Variants in KATNIP observed in about 807,000 individuals in gnomAD.
KATNIP encodes katanin-interacting protein.
A neutral mutation model predicts 174.0 loss-of-function variants in KATNIP; 126 were observed. That is an observed-to-expected ratio of 0.72 (90% CI 0.63 to 0.84). The LOEUF is 0.84. Ranked by LOEUF, KATNIP falls within the 40% of genes least tolerant of loss-of-function variation. The probability of loss-of-function intolerance (pLI) is 0.00; values close to 1 mark genes in which losing one functional copy is unlikely to be tolerated. For missense variants in KATNIP, 1,958 were observed against 2,109.7 expected (o/e 0.93, Z 1.41); for synonymous variants, 810 against 835.7 (o/e 0.97, Z 0.53).
In KATNIP at chr16:27,677,908, A is replaced by T. The variant is rs1289568724; in HGVS notation, c.720A>T (p.Lys240Asn). The change falls in exon 7 of 28, where the codon AAA becomes AAT. Residue 240 changes from lysine to asparagine, a missense_variant. Physicochemically the swap from Lys to Asn is moderately conservative, Grantham distance 94 (BLOSUM62 0). This residue lies in a region of KATNIP where 1,557 missense variants were observed against 1,617.8 expected (regional missense o/e 0.96). Coordinates refer to ENST00000261588, the MANE Select transcript of KATNIP (RefSeq NM_015202.5). ...RPPSSGDWTQ[K>N]DVHGEQETEG... The stretch of plus-strand genomic sequence containing the variant: ...CTTCCAGTGGCGACTGGACTCAGAA[A>T]GATGTTCACGGGGAACAGGAGACAG... 1 of 1,614,256 alleles carries T rather than the reference A, an allele frequency of 6.2e-7. No homozygotes were observed. Among genetic ancestry groups the T allele is most frequent in the South Asian group, 1.1e-5 (1 of 91,092 alleles).
In KATNIP at chr16:27,770,013, C is replaced by G. The variant is rs2082246100; in HGVS notation, c.4128C>G (p.Ala1376=). 6.2e-7 allele frequency: 1 copy of G among 1,613,264 alleles called. No homozygotes were observed. The highest frequency in any genetic ancestry group is 2.2e-5 in the East Asian group (1 of 44,850). Residue 1376 remains alanine, a synonymous_variant, in exon 21 of 28, where the codon GCC becomes GCG. Coordinates refer to ENST00000261588, the MANE Select transcript of KATNIP (RefSeq NM_015202.5). Reference sequence around the variant, plus strand: ...GGGCTCAGCTGCTGCCCCAGCCGGCCAGGAGGTGAGGAGAAAGTGGGCGCC... The same window carrying G: ...GGGCTCAGCTGCTGCCCCAGCCGGCGAGGAGGTGAGGAGAAAGTGGGCGCC... ...YLRAQLLPQP[A]RRLDMRSLEC... is the part of the protein sequence containing the mutation.
chr16:27,740,033 G>A lies in KATNIP; in HGVS notation c.1744-8G>A, dbSNP rs778230814. On this transcript the variant is annotated splice_polypyrimidine_tract_variant and splice_region_variant and intron_variant, in intron 14 of 27. Transcript: ENST00000261588. ...GCATCTTCACTTTGTTAAATCTTAT[G>A]GTTTCAGGATCTTGACATTGGTGCC... 4 of 1,603,892 alleles carry A rather than the reference G, an allele frequency of 2.5e-6. No homozygotes were observed. The African/African-American group carries it at 5.4e-5, about 22-fold the overall frequency.
chr16:27,714,309 C>G (rs2079826314), intron 13 of KATNIP, among the ~76,000 whole-genome samples: 1 of 152,112 alleles, frequency 6.6e-6, no homozygotes, highest in Non-Finnish European at 1.5e-5. Context: ...TCTGAAAATT[C>G]TTATCTGTCC....
At chr16:27,709,742 C>G (rs531618539) in intron 13 of KATNIP, among the ~76,000 whole-genome samples, 2 of 152,150 alleles carry the variant, frequency 1.3e-5, no homozygotes, top group African/African-American at 2.4e-5. Context: ...CACTCTCTCC[C>G]TAAGCTGTTT....
intron 13 of KATNIP, among the ~76,000 whole-genome samples, chr16:27,717,532 C>A (rs930349259): frequency 6.6e-6 from 1 of 152,036 alleles, no homozygotes; most frequent in African/African-American, 2.4e-5. Context: ...TGTTTGCCTT[C>A]CCTCATAGCA....
At chr16:27,642,535 C>T (rs915465254) in intron 5 of KATNIP, among the ~76,000 whole-genome samples, 3 of 152,114 alleles carry the variant, frequency 2.0e-5, no homozygotes, top group African/African-American at 7.2e-5. Context: ...CAGGAATCTC[C>T]GGGCCTGGAA....
intron 20 of KATNIP, among the ~76,000 whole-genome samples, chr16:27,769,162 T>C (rs1310611607): frequency 6.6e-6 from 1 of 152,200 alleles, no homozygotes; most frequent in East Asian, 1.9e-4. Flanking sequence ...AAGCATCTGC[T>C]GTGTTCCAGG....
intron 18 of KATNIP, among the ~76,000 whole-genome samples, chr16:27,759,620 C>T (rs1287325190): frequency 1.3e-5 from 2 of 152,226 alleles, no homozygotes; most frequent in Non-Finnish European, 1.5e-5. Flanking sequence ...AGGACATCTT[C>T]ACCCACCCGT....
In KATNIP at chr16:27,618,439, C is replaced by A; in HGVS notation, c.78C>A (p.Asp26Glu). Residue 26 changes from aspartate to glutamate, a missense_variant, in exon 3 of 28, where the codon GAC becomes GAA. Around this residue, in one of 3 missense-constraint regions of KATNIP, gnomAD observed 1,557 missense variants for 1,617.8 expected, o/e 0.96. Transcript: ENST00000261588. ...SREKKEGYAKDMVTDFDEKHD... is the reference protein window; with the variant it reads ...SREKKEGYAKEMVTDFDEKHD... ...CTTCATTTCAGGGTTACGCTAAGGA[C>A]ATGGTGACAGACTTTGATGAGAAAC... 1 of 1,612,942 alleles carries A rather than the reference C, an allele frequency of 6.2e-7. No homozygotes were observed. The highest frequency in any genetic ancestry group is 1.1e-5 in the South Asian group (1 of 91,050).
chr16:27,758,767 C>T (rs560200889), intron 18 of KATNIP, among the ~76,000 whole-genome samples: 156 of 152,310 alleles, frequency 1.0e-3, no homozygotes, highest in Non-Finnish European at 1.2e-3. Context: ...CAGGGAGGCC[C>T]TCCCTGACCA....
intron 6 of KATNIP, among the ~76,000 whole-genome samples, chr16:27,658,038 C>T (rs1314280125): frequency 1.3e-5 from 2 of 152,192 alleles, no homozygotes; most frequent in Non-Finnish European, 2.9e-5. Context: ...TGGGCTCTCT[C>T]TTTATTTTTC....
intron 13 of KATNIP, chr16:27,718,665 C>T (rs969916906): frequency 4.6e-5 from 7 of 152,214 alleles, no homozygotes; most frequent in African/African-American, 1.7e-4. Flanking sequence ...GTCAGGCAGC[C>T]ACAGTGCCCC....
At chr16:27,708,638 C>A in intron 12 of KATNIP, 67 bp from the exon 13 acceptor site, 1 of 1,311,542 alleles carries the variant, frequency 7.6e-7, no homozygotes, top group Non-Finnish European at 1.1e-6. Flanking sequence ...GCAGTGGTGG[C>A]AGAGGCAGAG....
intron 18 of KATNIP, 24 bp downstream of exon 18, chr16:27,754,275 G>T: frequency 1.2e-6 from 2 of 1,604,704 alleles, no homozygotes; most frequent in Non-Finnish European, 1.7e-6. Context: ...CTGGAGCAGT[G>T]TTGGGTGGAA....
chr16:27,721,299 CTGGT>C (rs1372561395), intron 13 of KATNIP, among the ~76,000 whole-genome samples: 1 of 152,170 alleles, frequency 6.6e-6, no homozygotes, highest in Non-Finnish European at 1.5e-5. Flanking sequence ...TAAATTCCGT[CTGGT>C]TGGCAGATCA....
At chr16:27,685,546 A>C (rs1173249639) in intron 8 of KATNIP, among the ~76,000 whole-genome samples, 1 of 152,234 alleles carries the variant, frequency 6.6e-6, no homozygotes, top group African/African-American at 2.4e-5. Flanking sequence ...GCATGCGTTC[A>C]TACAAAAAAT....
chr16:27,695,000 C>T (rs9938748), intron 8 of KATNIP, among the ~76,000 whole-genome samples: 26,011 of 152,072 alleles, frequency 0.17, 2,438 homozygotes, highest in African/African-American at 0.24. Flanking sequence ...AAAGCAACCC[C>T]GTCTTCTACT....
intron 2 of KATNIP, among the ~76,000 whole-genome samples, chr16:27,592,167 C>T (rs2075190657): frequency 6.6e-6 from 1 of 151,312 alleles, no homozygotes. Context: ...TGTCTAGTTC[C>T]TGTAATAGTA....
At chr16:27,556,326 C>T (rs1161854343) in intron 1 of KATNIP, among the ~76,000 whole-genome samples, 1 of 152,100 alleles carries the variant, frequency 6.6e-6, no homozygotes, top group East Asian at 1.9e-4. Flanking sequence ...GGTACATTGG[C>T]AGTGTGTGTT....
Sources: gnomAD v4.1 joint callset for allele counts (sites outside exome capture counted in the v4.1 genomes callset) on GRCh38, gnomAD v4.1.1 for gene constraint, gnomAD v4.1.1 regional missense constraint, MANE v1.5 for transcripts, NCBI Gene and HGNC (gene_info 2026-07-23, HGNC 2026-07-21) for gene names.